Variants in CRKL observed in about 807,000 individuals in gnomAD.
The protein encoded by CRKL is CRK like proto-oncogene, adaptor protein, also known as crk-like protein.
A neutral mutation model predicts 23.0 loss-of-function variants in CRKL; 3 were observed. The ratio of observed to expected loss-of-function variants is 0.13; its 90% CI spans 0.06 to 0.34. The LOEUF (loss-of-function observed/expected upper bound fraction) is 0.34, where lower values mean the gene tolerates loss of function less well. CRKL is among the 10% of genes least tolerant of loss of function. The pLI is 1.00. For synonymous variants in CRKL, 188 were observed against 160.7 expected, an observed-to-expected ratio of 1.17 and a Z score of -1.28; for missense variants, 256 against 394.5, an observed-to-expected ratio of 0.65 and a Z score of 2.97.
intron 1 of CRKL, among the ~76,000 whole-genome samples, chr22:20,925,083 G>A (rs1311654921): frequency 3.3e-5 from 5 of 151,158 alleles, no homozygotes; most frequent in Non-Finnish European, 7.4e-5. Context: ...AGCTACTCCG[G>A]AGGTTGAGAC....
At chr22:20,935,746 G>A (rs1211075400) in intron 2 of CRKL, among the ~76,000 whole-genome samples, 7 of 151,910 alleles carry the variant, frequency 4.6e-5, no homozygotes, top group Non-Finnish European at 1.0e-4. Flanking sequence ...GGCTGGTCTC[G>A]AACTCCTGAC....
rs1423660097 is a variant in CRKL, at chr22:20,953,394, C to T, written c.*3549C>T. The T allele has an allele frequency of 4.4e-5, 10 of 229,764 alleles. No homozygotes were observed. The highest frequency in any genetic ancestry group is 6.0e-5 in the Non-Finnish European group (7 of 116,650). The allele number at this position is 229,764 out of a possible 1,614,324, so 14.2% of individuals were successfully genotyped here. On this transcript the variant is annotated 3_prime_UTR_variant, in exon 3 of 3. Transcript: ENST00000354336. ...CCCTACAGGAGGAACAGTGGCCTTG[C>T]TTCTTAGACGGTCTTCACTGTGTGT... is the stretch of plus-strand genomic sequence containing the variant.
chr22:20,924,149 C>G (rs1477338592), intron 1 of CRKL, among the ~76,000 whole-genome samples: 4 of 152,154 alleles, frequency 2.6e-5, no homozygotes, highest in African/African-American at 7.2e-5. Context: ...GATCATGCCA[C>G]TGCACTTCAG....
At chr22:20,936,786 G>A (rs911278363) in intron 2 of CRKL, among the ~76,000 whole-genome samples, 2 of 152,076 alleles carry the variant, frequency 1.3e-5, no homozygotes, top group African/African-American at 4.8e-5. Context: ...TGGGGGTCAG[G>A]GACTGAGAGG....
At chr22:20,927,450 C>G (rs1008225123) in intron 1 of CRKL, among the ~76,000 whole-genome samples, 1 of 149,224 alleles carries the variant, frequency 6.7e-6, no homozygotes, top group African/African-American at 2.5e-5. Flanking sequence ...CCTCGGCCCC[C>G]TAATGTGCTG....
intron 1 of CRKL, among the ~76,000 whole-genome samples, chr22:20,933,137 G>A (rs1362076847): frequency 2.0e-5 from 3 of 151,984 alleles, no homozygotes; most frequent in East Asian, 3.9e-4. Flanking sequence ...TTGGGAGGCC[G>A]AGGCAGGCAG....
chr22:20,943,991 A>G (rs1239842582), intron 2 of CRKL, among the ~76,000 whole-genome samples: 2 of 152,024 alleles, frequency 1.3e-5, no homozygotes, highest in Non-Finnish European at 2.9e-5. Flanking sequence ...TCTAACTTTG[A>G]TGCTTTTCAA....
intron 1 of CRKL, among the ~76,000 whole-genome samples, chr22:20,921,239 T>A (rs1920989284): frequency 6.6e-6 from 1 of 152,268 alleles, no homozygotes; most frequent in Admixed American, 6.5e-5. Flanking sequence ...TTTTGGTTTA[T>A]CTTGCATAGC....
chr22:20,936,351 G>GT (rs991402170), intron 2 of CRKL, among the ~76,000 whole-genome samples: 1 of 151,864 alleles, frequency 6.6e-6, no homozygotes, highest in African/African-American at 2.4e-5. Context: ...TTTTGTTTTT[G>GT]TTTTGTTTTG....
In CRKL at chr22:20,918,184, C is replaced by G. The variant is rs2147891979; in HGVS notation, c.250C>G (p.Leu84Val). The G allele has an allele frequency of 6.2e-7, 1 of 1,614,162 alleles. No individual in the cohort carries two copies. The highest frequency in any genetic ancestry group is 1.3e-5 in the African/African-American group (1 of 75,040). The part of the protein sequence containing the change: ...GDQEFDHLPA[L>V]LEFYKIHYLD... Reference sequence around the variant, plus strand: ...CCAGGAATTTGACCATTTGCCGGCCCTGCTGGAGTTTTACAAGATCCACTA... The same window carrying G: ...CCAGGAATTTGACCATTTGCCGGCCGTGCTGGAGTTTTACAAGATCCACTA... The change falls in exon 1 of 3, where the codon CTG (leucine) becomes GTG (valine). Residue 84 changes from leucine (L) to valine (V), a missense_variant. Transcript: ENST00000354336.
Position 20,952,059 on chromosome 22 carries a change from G to A in CRKL, c.*2214G>A, listed in dbSNP as rs1357426483. 4.4e-6 allele frequency: 1 copy of A among 226,408 alleles called. No homozygotes were observed. Among genetic ancestry groups the A allele is most frequent in the Non-Finnish European group, 8.8e-6 (1 of 113,902 alleles). 14.0% of individuals were successfully genotyped at this position (226,408 alleles called of 1,614,324 possible). A position where few individuals can be genotyped will look rare whatever the true frequency, so the allele number is the denominator to read the frequency against. On this transcript the variant is annotated 3_prime_UTR_variant, in exon 3 of 3. Transcript: ENST00000354336. ...TGCCTAGAAACAGTGTTTGCCCTTT[G>A]GCCAGTGACGTGGTTCATCCCGGCC...
At position 20,931,688 on chromosome 22, in the gene CRKL, T is replaced by A. The variant is rs562661444; in HGVS notation, c.312-2091T>A. Among the ~76,000 whole-genome samples, 6 of 152,352 alleles carry A rather than the reference T, an allele frequency of 3.9e-5. No homozygotes were observed. In the East Asian group the frequency reaches 1.2e-3, roughly 29 times the overall value. ...TAATAACAGCATCTACCTCACAGACTATTAAATAATCCAATCTCTTCAAAG... is the reference window on the plus strand; with the variant it reads ...TAATAACAGCATCTACCTCACAGACAATTAAATAATCCAATCTCTTCAAAG... On this transcript the variant is annotated intron_variant, in intron 1 of 2. Transcript: ENST00000354336.
At chr22:20,946,415 T>G (rs1203355755) in intron 2 of CRKL, among the ~76,000 whole-genome samples, 2 of 152,166 alleles carry the variant, frequency 1.3e-5, no homozygotes, top group African/African-American at 4.8e-5. Flanking sequence ...GTTTTAGAGT[T>G]AATGTGTCCA....
chr22:20,936,980 C>T (rs1921683353), intron 2 of CRKL, among the ~76,000 whole-genome samples: 1 of 152,106 alleles, frequency 6.6e-6, no homozygotes, highest in African/African-American at 2.4e-5. Context: ...TCTGCTTCAG[C>T]CTCTCAAGTA....
chr22:20,935,522 C>CTTTTTTT (rs11463804), intron 2 of CRKL, among the ~76,000 whole-genome samples: 1 of 143,206 alleles, frequency 7.0e-6, no homozygotes, highest in Non-Finnish European at 1.5e-5. Context: ...ATTTTCTTTT[C>CTTTTTTT]TTTTTTTTTT....
At chr22:20,919,256 A>G (rs533162761) in intron 1 of CRKL, among the ~76,000 whole-genome samples, 4 of 152,172 alleles carry the variant, frequency 2.6e-5, no homozygotes, top group Middle Eastern at 6.8e-3. Context: ...TTCAGCGAGG[A>G]TATTTTTTGG....
At chr22:20,920,984 T>A (rs937737273) in intron 1 of CRKL, among the ~76,000 whole-genome samples, 1 of 152,228 alleles carries the variant, frequency 6.6e-6, no homozygotes, top group Non-Finnish European at 1.5e-5. Context: ...TTGAATTAGA[T>A]CCTGACTGAG....
chr22:20,950,000 A>G lies in CRKL; in HGVS notation c.*155A>G. 1 of 939,756 alleles carries G rather than the reference A, an allele frequency of 1.1e-6. No homozygotes were observed. The highest frequency in any genetic ancestry group is 1.5e-6 in the Non-Finnish European group (1 of 645,752). The allele number at this position is 939,756 out of a possible 1,614,324, so 58.2% of individuals were successfully genotyped here. A position where few individuals can be genotyped will look rare whatever the true frequency, so the allele number is the denominator to read the frequency against. The stretch of plus-strand genomic sequence containing the variant: ...TCGCACACACATTTGGAATGCACAC[A>G]GCGGCTGCCTCCTGATGTTTGTATC... On this transcript the variant is annotated 3_prime_UTR_variant, in exon 3 of 3. Transcript: ENST00000354336.
At chr22:20,925,428 G>A (rs982873275) in intron 1 of CRKL, among the ~76,000 whole-genome samples, 2 of 152,178 alleles carry the variant, frequency 1.3e-5, no homozygotes, top group Admixed American at 1.3e-4. Flanking sequence ...GTTCGAGACT[G>A]AACCTGGGAG....
Sources: allele counts gnomAD v4.1 joint callset (sites outside exome capture counted in the v4.1 genomes callset), GRCh38; gene constraint gnomAD v4.1.1; transcripts MANE v1.5; gene names NCBI Gene and HGNC (gene_info 2026-07-23, HGNC 2026-07-21).